KIAA2012: variants seen among roughly 807,000 people sequenced by gnomAD.
The protein encoded by KIAA2012 is KIAA2012, also known as uncharacterized protein KIAA2012.
KIAA2012 carries 125 observed loss-of-function variants against 150.6 expected under a neutral mutation model. The ratio of observed to expected loss-of-function variants is 0.83; its 90% CI spans 0.72 to 0.96. KIAA2012 has a LOEUF of 0.96. KIAA2012 is among the 40% of genes least tolerant of loss of function. The pLI, the probability that KIAA2012 is intolerant of heterozygous loss-of-function variation, is 0.00. For missense variants in KIAA2012, 1,219 were observed against 1,354.9 expected, an observed-to-expected ratio of 0.90 and a Z score of 1.57; for synonymous variants, 462 against 504.7, an observed-to-expected ratio of 0.92 and a Z score of 1.13.
At chr2:202,143,694 A>C (rs546216798) in intron 13 of KIAA2012, among the ~76,000 whole-genome samples, 1 of 152,302 alleles carries the variant, frequency 6.6e-6, no homozygotes, top group African/African-American at 2.4e-5. Context: ...AGCAAGCTGA[A>C]CGGGGTCAAC....
chr2:202,105,876 A>G lies in KIAA2012; in HGVS notation c.1440A>G (p.Pro480=). The change falls in exon 9 of 24, where the codon CCA becomes CCG. Residue 480 remains proline, a synonymous_variant. Coordinates refer to ENST00000498697, the MANE Select transcript of KIAA2012 (RefSeq NM_001277372.4). ...ETPWELTVHL[P]VDASRDTLSP... The stretch of plus-strand genomic sequence containing the variant: ...CATGGGAGTTAACAGTGCATCTCCC[A>G]GTGGACGCGAGCAGGGACACACTCT... 1 of 1,550,918 alleles carries G rather than the reference A, an allele frequency of 6.4e-7. No individual in the cohort carries two copies. The highest frequency in any genetic ancestry group is 8.7e-7 in the Non-Finnish European group (1 of 1,147,058).
chr2:202,154,787 A>G lies in KIAA2012; in HGVS notation c.2023A>G (p.Ile675Val), dbSNP rs1442725639. The change falls in exon 14 of 24, where the codon ATC (isoleucine) becomes GTC (valine). Residue 675 changes from isoleucine (I) to valine (V), a missense_variant. Coordinates refer to ENST00000498697, the MANE Select transcript of KIAA2012 (RefSeq NM_001277372.4). ...RKEFYTRKLH[I>V]DMTPFLKESG... ...AGAATTTTACACGCGCAAGCTGCAC[A>G]TCGACATGACGCCGTTCCTGAAGGT... 1.3e-6 allele frequency: 2 copies of G among 1,548,474 alleles called. No homozygotes were observed. The highest frequency in any genetic ancestry group is 1.4e-5 in the African/African-American group (1 of 72,924).
chr2:202,093,679 T>C (rs112614564), intron 4 of KIAA2012, among the ~76,000 whole-genome samples: 115 of 152,324 alleles, frequency 7.5e-4, no homozygotes, highest in Non-Finnish European at 1.4e-3. Flanking sequence ...TCTCATTTAC[T>C]AGTGTAAGAT....
chr2:202,143,271 A>T (rs1691231395), intron 13 of KIAA2012, among the ~76,000 whole-genome samples: 1 of 151,784 alleles, frequency 6.6e-6, no homozygotes, highest in Non-Finnish European at 1.5e-5. Flanking sequence ...ATTTTAGTAG[A>T]GACAGGGTTT....
intron 11 of KIAA2012, 73 bp from the exon 12 acceptor site, chr2:202,125,141 G>T: frequency 8.2e-7 from 1 of 1,217,396 alleles, no homozygotes. Flanking sequence ...GTTTTCCCCT[G>T]TCTTCGGATA....
intron 13 of KIAA2012, among the ~76,000 whole-genome samples, chr2:202,148,430 GT>G (rs1188306393): frequency 6.7e-6 from 1 of 150,208 alleles, no homozygotes; most frequent in African/African-American, 2.4e-5. Flanking sequence ...GAAAGCTCTT[GT>G]TTGGCTACCA....
chr2:202,082,934 A>T (rs1247369070), intron 2 of KIAA2012, among the ~76,000 whole-genome samples: 2 of 152,042 alleles, frequency 1.3e-5, no homozygotes, highest in Non-Finnish European at 2.9e-5. Flanking sequence ...GGTGAATCAA[A>T]TAATTTCCCT....
In KIAA2012 at chr2:202,120,253, G is replaced by A. The variant is rs561935300; in HGVS notation, c.1763-4961G>A. Among the ~76,000 whole-genome samples the A allele has an allele frequency of 9.2e-5, 14 of 152,334 alleles. No individual in the cohort carries two copies. In the East Asian group the frequency reaches 2.7e-3, roughly 29 times the overall value. ...TTAGCTGGGCCTGGTGTGCACACCT[G>A]TGGTCCCACCTACTCCAGGGGCTGA... On this transcript the variant is annotated intron_variant, in intron 11 of 23. Transcript: ENST00000498697.
chr2:202,108,660 G>A (rs1028465855), intron 9 of KIAA2012, among the ~76,000 whole-genome samples: 60 of 152,174 alleles, frequency 3.9e-4, no homozygotes, highest in African/African-American at 1.4e-3. Flanking sequence ...ATATCACAGA[G>A]GTGATGTTGT....
chr2:202,125,767 T>C (rs571953603), intron 12 of KIAA2012: 45 of 424,762 alleles, frequency 1.1e-4, no homozygotes, highest in African/African-American at 8.2e-4. Flanking sequence ...ATTTCCCCCA[T>C]GGAGAGATCT....
At chr2:202,196,389 G>A (rs1326050879) in intron 21 of KIAA2012, among the ~76,000 whole-genome samples, 1 of 151,484 alleles carries the variant, frequency 6.6e-6, no homozygotes, top group Non-Finnish European at 1.5e-5. Flanking sequence ...TAGAGACGGG[G>A]TTTCGCCGTG....
At chr2:202,160,375 G>A (rs55763884) in intron 14 of KIAA2012, among the ~76,000 whole-genome samples, 37,470 of 147,112 alleles carry the variant, frequency 0.25, 5,029 homozygotes, top group South Asian at 0.33. Flanking sequence ...GTTCAGTGGC[G>A]TGATCTCGGC....
At chr2:202,151,125 G>A (rs563320101) in intron 13 of KIAA2012, among the ~76,000 whole-genome samples, 10 of 152,194 alleles carry the variant, frequency 6.6e-5, no homozygotes, top group Non-Finnish European at 2.9e-5. Flanking sequence ...GGCCAGGCAC[G>A]GTGGCTCACT....
intron 13 of KIAA2012, among the ~76,000 whole-genome samples, chr2:202,141,976 C>G (rs35276116): frequency 0.13 from 19,790 of 152,120 alleles, 1,655 homozygotes; most frequent in Non-Finnish European, 0.17. Flanking sequence ...ATTAACTTTA[C>G]CATCTATACT....
intron 13 of KIAA2012, among the ~76,000 whole-genome samples, chr2:202,153,598 A>C (rs1691470773): frequency 6.6e-6 from 1 of 151,936 alleles, no homozygotes. Context: ...TGCAGCCTCC[A>C]CTTCCATCCC....
intron 2 of KIAA2012, among the ~76,000 whole-genome samples, chr2:202,083,759 G>A (rs1689502909): frequency 6.6e-6 from 1 of 152,016 alleles, no homozygotes; most frequent in Non-Finnish European, 1.5e-5. Context: ...TATGGCCAGG[G>A]GGGCGGGGGG....
intron 4 of KIAA2012, among the ~76,000 whole-genome samples, chr2:202,093,696 T>C (rs1252542882): frequency 2.0e-5 from 3 of 152,200 alleles, no homozygotes; most frequent in Admixed American, 1.3e-4. Context: ...AGATCTTAAG[T>C]AAGTCATTTA....
At chr2:202,200,078 A>C (rs967385152) in intron 22 of KIAA2012, among the ~76,000 whole-genome samples, 1 of 151,564 alleles carries the variant, frequency 6.6e-6, no homozygotes, top group Non-Finnish European at 1.5e-5. Flanking sequence ...TTACAGGCGC[A>C]TGCCACCACG....
chr2:202,127,113 G>GAA (rs11398139), intron 12 of KIAA2012, among the ~76,000 whole-genome samples: 40 of 149,906 alleles, frequency 2.7e-4, no homozygotes, highest in East Asian at 1.6e-3. Flanking sequence ...GGAGAAGCTG[G>GAA]AAAAAAAAAA....
Sources: allele counts gnomAD v4.1 joint callset (sites outside exome capture counted in the v4.1 genomes callset), GRCh38; gene constraint gnomAD v4.1.1; transcripts MANE v1.5; gene names NCBI Gene and HGNC (gene_info 2026-07-23, HGNC 2026-07-21).